AFF3: variants seen among roughly 807,000 people sequenced by gnomAD.
AFF3 encodes the protein AF4/FMR2 family member 3.
Under a neutral mutation model 129.7 loss-of-function variants are expected in AFF3, and 32 were observed. The ratio of observed to expected loss-of-function variants is 0.25; its 90% CI spans 0.19 to 0.33. The LOEUF (loss-of-function observed/expected upper bound fraction) is 0.33, where lower values mean the gene tolerates loss of function less well. AFF3 is among the 10% of genes least tolerant of loss of function. AFF3 has a pLI of 1.00. For synonymous variants in AFF3, 644 were observed against 635.4 expected, an observed-to-expected ratio of 1.01 and a Z score of -0.20; for missense variants, 1,373 against 1,592.0, an observed-to-expected ratio of 0.86 and a Z score of 2.34.
At chr2:99,587,508 C>A (rs138463093) in intron 15 of AFF3, among the ~76,000 whole-genome samples, 9 of 152,118 alleles carry the variant, frequency 5.9e-5, no homozygotes, top group Non-Finnish European at 1.3e-4. Context: ...AGGAGAGGCA[C>A]GACGCCATGA....
intron 7 of AFF3, among the ~76,000 whole-genome samples, chr2:99,850,107 T>C (rs1690037415): frequency 6.6e-6 from 1 of 152,238 alleles, no homozygotes. Flanking sequence ...GACTGTGGGA[T>C]GGGGCTTTAT....
At chr2:99,910,946 C>T (rs1695068919) in intron 7 of AFF3, among the ~76,000 whole-genome samples, 1 of 152,226 alleles carries the variant, frequency 6.6e-6, no homozygotes, top group Admixed American at 6.5e-5. Flanking sequence ...TCTACAATGC[C>T]TTCCCTCTTA....
intron 7 of AFF3, among the ~76,000 whole-genome samples, chr2:99,999,153 C>T (rs1186105368): frequency 6.6e-6 from 1 of 152,240 alleles, no homozygotes; most frequent in Non-Finnish European, 1.5e-5. Flanking sequence ...ACTCAGAGCA[C>T]TGCCTGTTAA....
chr2:100,026,599 G>A (rs1452381121), intron 4 of AFF3, among the ~76,000 whole-genome samples: 1 of 151,812 alleles, frequency 6.6e-6, no homozygotes, highest in African/African-American at 2.4e-5. Context: ...ACTTGCACAT[G>A]CATGTTTATA....
intron 8 of AFF3, among the ~76,000 whole-genome samples, chr2:99,784,083 G>T (rs1385229773): frequency 6.6e-6 from 1 of 152,198 alleles, no homozygotes; most frequent in Non-Finnish European, 1.5e-5. Flanking sequence ...TTGCCGAGAG[G>T]CCAGTCTGCA....
intron 8 of AFF3, among the ~76,000 whole-genome samples, chr2:99,763,165 C>A (rs1425479949): frequency 6.6e-6 from 1 of 152,224 alleles, no homozygotes; most frequent in Non-Finnish European, 1.5e-5. Context: ...TTCTGCCTGT[C>A]AATCCATTCC....
At chr2:99,855,887 G>C (rs994699137) in intron 7 of AFF3, among the ~76,000 whole-genome samples, 2 of 152,176 alleles carry the variant, frequency 1.3e-5, no homozygotes, top group Admixed American at 6.5e-5. Flanking sequence ...CATATTGATA[G>C]TATGTAGACC....
chr2:100,140,711 A>T lies in AFF3; in HGVS notation c.-228+1773T>A, dbSNP rs1692829069. ...CCTATTTCCTGGTTTGCTGTACAAG[A>T]TGTGTATGAGTACATGTCATCAAGC... On this transcript the variant is annotated intron_variant, in intron 1 of 24. Coordinates refer to ENST00000672756, the MANE Select transcript of AFF3 (RefSeq NM_001386135.1). Among the ~76,000 whole-genome samples, 4 of 152,238 alleles carry T rather than the reference A, an allele frequency of 2.6e-5. No homozygotes were observed. In the East Asian group the frequency reaches 7.7e-4, roughly 29 times the overall value.
chr2:100,029,050 T>G (rs1684273571), intron 4 of AFF3, among the ~76,000 whole-genome samples: 1 of 152,094 alleles, frequency 6.6e-6, no homozygotes, highest in Admixed American at 6.5e-5. Context: ...ATTTTTAAAG[T>G]GTGCACACTC....
chr2:100,012,177 C>A (rs994586504), intron 4 of AFF3, among the ~76,000 whole-genome samples: 6 of 152,144 alleles, frequency 3.9e-5, no homozygotes, highest in Non-Finnish European at 8.8e-5. Flanking sequence ...CATGCTCGTG[C>A]CATGCTTCCA....
At chr2:100,005,241 T>C (rs962901336) in intron 7 of AFF3, among the ~76,000 whole-genome samples, 1 of 152,106 alleles carries the variant, frequency 6.6e-6, no homozygotes, top group Non-Finnish European at 1.5e-5. Context: ...CAAAAATTCA[T>C]CTTTTTTTGT....
At chr2:99,787,405 G>A (rs781220923) in intron 8 of AFF3, among the ~76,000 whole-genome samples, 5 of 152,082 alleles carry the variant, frequency 3.3e-5, no homozygotes, top group Non-Finnish European at 7.3e-5. Context: ...CCACACCTGC[G>A]CCGCCACCCC....
At chr2:100,027,982 G>C (rs1443915364) in intron 4 of AFF3, among the ~76,000 whole-genome samples, 3 of 152,054 alleles carry the variant, frequency 2.0e-5, no homozygotes, top group Non-Finnish European at 2.9e-5. Flanking sequence ...CAATCCATGT[G>C]AATTATTTTA....
At chr2:99,922,039 A>G (rs1695890971) in intron 7 of AFF3, among the ~76,000 whole-genome samples, 1 of 152,174 alleles carries the variant, frequency 6.6e-6, no homozygotes, top group South Asian at 2.1e-4. Flanking sequence ...GAATGAATAA[A>G]TGAAAAAGAC....
At chr2:99,622,780 C>T (rs1682152261) in intron 13 of AFF3, among the ~76,000 whole-genome samples, 1 of 152,234 alleles carries the variant, frequency 6.6e-6, no homozygotes, top group African/African-American at 2.4e-5. Context: ...GGCTGCAGCC[C>T]ATTCTTTCAT....
intron 8 of AFF3, among the ~76,000 whole-genome samples, chr2:99,789,268 T>C (rs1438886309): frequency 6.6e-6 from 1 of 151,784 alleles, no homozygotes; most frequent in African/African-American, 2.4e-5. Flanking sequence ...GACCTGTCTC[T>C]ACAAAAAATT....
chr2:100,093,110 CT>C (rs767977591), intron 4 of AFF3, among the ~76,000 whole-genome samples: 3 of 149,700 alleles, frequency 2.0e-5, no homozygotes, highest in South Asian at 4.2e-4. Context: ...AAAACATTAC[CT>C]TTTTTTTCTT....
At chr2:100,136,603 T>C (rs557325301) in intron 1 of AFF3, among the ~76,000 whole-genome samples, 35 of 152,320 alleles carry the variant, frequency 2.3e-4, no homozygotes, top group African/African-American at 7.2e-4. Context: ...TTCTCCCCCA[T>C]TGATCTGTTT....
chr2:99,668,469 C>T (rs978322009), intron 12 of AFF3, among the ~76,000 whole-genome samples: 27 of 151,910 alleles, frequency 1.8e-4, no homozygotes, highest in African/African-American at 2.7e-4. Context: ...CACACCCCGC[C>T]GGGAAATAGA....
Sources: allele counts gnomAD v4.1 joint callset (sites outside exome capture counted in the v4.1 genomes callset), GRCh38; gene constraint gnomAD v4.1.1; transcripts MANE v1.5; gene names NCBI Gene and HGNC (gene_info 2026-07-23, HGNC 2026-07-21).